Variants in IDE observed in about 807,000 individuals in gnomAD.
IDE encodes the protein insulin-degrading enzyme.
IDE carries 58 observed loss-of-function variants against 133.2 expected under a neutral mutation model. That is an observed-to-expected ratio of 0.44 (90% CI 0.35 to 0.54). The LOEUF (loss-of-function observed/expected upper bound fraction) is 0.54, where lower values mean the gene tolerates loss of function less well. Among genes scored for constraint, IDE ranks in the 20% least tolerant of loss-of-function variants. The probability of loss-of-function intolerance (pLI) is 0.00; values close to 1 mark genes in which losing one functional copy is unlikely to be tolerated. For missense variants in IDE, 981 were observed against 1,234.0 expected, an observed-to-expected ratio of 0.79 and a Z score of 3.07; for synonymous variants, 396 against 421.3, an observed-to-expected ratio of 0.94 and a Z score of 0.73.
At chr10:92,535,013 T>G (rs769376295) in intron 2 of IDE, among the ~76,000 whole-genome samples, 1 of 152,188 alleles carries the variant, frequency 6.6e-6, no homozygotes, top group Non-Finnish European at 1.5e-5. Context: ...GGCAGGTTAC[T>G]TAGTGTCTCT....
intron 9 of IDE, among the ~76,000 whole-genome samples, chr10:92,507,057 T>C (rs1255992851): frequency 1.3e-5 from 2 of 152,048 alleles, no homozygotes; most frequent in African/African-American, 4.8e-5. Flanking sequence ...TTAAAAACCC[T>C]TTTTTAAAAG....
At chr10:92,514,377 C>CTT (rs200269286) in intron 5 of IDE, among the ~76,000 whole-genome samples, 134 of 146,150 alleles carry the variant, frequency 9.2e-4, no homozygotes, top group Admixed American at 1.6e-3. Context: ...TCATCATCTG[C>CTT]TTTTTTTTTT....
chr10:92,486,066 G>A (rs761008804), intron 13 of IDE, among the ~76,000 whole-genome samples: 3 of 151,990 alleles, frequency 2.0e-5, no homozygotes, highest in South Asian at 2.1e-4. Context: ...AAAGAAAAAC[G>A]GGTCCGGCGT....
At chr10:92,475,797 T>C (rs1439345071) in intron 16 of IDE, 87 bp downstream of exon 16, 1 of 591,242 alleles carries the variant, frequency 1.7e-6, no homozygotes, top group Non-Finnish European at 2.9e-6. Flanking sequence ...TCCTTGCTTC[T>C]TTTATATTAT....
chr10:92,534,023 G>C (rs1160788531), intron 3 of IDE, among the ~76,000 whole-genome samples: 30 of 138,766 alleles, frequency 2.2e-4, no homozygotes, highest in Admixed American at 2.1e-3. Context: ...AACTCCGTCT[G>C]AAAAAAAAAA....
At chr10:92,553,549 A>G (rs1351152583) in intron 1 of IDE, among the ~76,000 whole-genome samples, 1 of 152,184 alleles carries the variant, frequency 6.6e-6, no homozygotes, top group South Asian at 2.1e-4. Flanking sequence ...ACATTACAAG[A>G]AAAGAAAACT....
chr10:92,457,899 C>G (rs1845116558), intron 22 of IDE, among the ~76,000 whole-genome samples: 2 of 152,184 alleles, frequency 1.3e-5, no homozygotes, highest in Non-Finnish European at 2.9e-5. Context: ...TCTGACCTCT[C>G]CAGCCTCTTT....
At chr10:92,566,376 G>A (rs939968496) in intron 1 of IDE, among the ~76,000 whole-genome samples, 1 of 150,058 alleles carries the variant, frequency 6.7e-6, no homozygotes, top group Non-Finnish European at 1.5e-5. Context: ...AGGAGTGACA[G>A]AGTCAGACTC....
intron 4 of IDE, among the ~76,000 whole-genome samples, chr10:92,520,561 C>G (rs1478644653): frequency 6.6e-6 from 1 of 152,128 alleles, no homozygotes; most frequent in Non-Finnish European, 1.5e-5. Context: ...GCTAACATAC[C>G]TATAGCTAGT....
intron 12 of IDE, among the ~76,000 whole-genome samples, chr10:92,489,154 T>C (rs1797488376): frequency 6.6e-6 from 1 of 152,174 alleles, no homozygotes. Context: ...ACGTTGGCCA[T>C]ATTTCTTAAG....
chr10:92,467,346 T>G (rs900781399), intron 19 of IDE, among the ~76,000 whole-genome samples: 4 of 152,340 alleles, frequency 2.6e-5, no homozygotes, highest in South Asian at 4.1e-4. Context: ...GTGCTGGGAT[T>G]ATAGGAATGA....
chr10:92,542,725 G>A (rs1842367435), intron 1 of IDE, among the ~76,000 whole-genome samples: 2 of 152,208 alleles, frequency 1.3e-5, no homozygotes, highest in African/African-American at 4.8e-5. Flanking sequence ...GGGAATTCGT[G>A]AGCGAAGCCT....
chr10:92,470,384 G>A (rs754959126), intron 17 of IDE, 39 bp from the exon 18 acceptor site: 2 of 1,361,096 alleles, frequency 1.5e-6, no homozygotes, highest in Non-Finnish European at 2.0e-6. Flanking sequence ...CGCTACCTAT[G>A]AGGGATTTTT....
chr10:92,462,328 A>AG (rs1408626209), intron 21 of IDE, among the ~76,000 whole-genome samples: 1 of 150,732 alleles, frequency 6.6e-6, no homozygotes, highest in African/African-American at 2.4e-5. Context: ...AAAAAAAAAA[A>AG]AAAAAAAAAA....
chr10:92,474,984 A>G, intron 16 of IDE, 23 bp from the exon 17 acceptor site: 1 of 1,570,220 alleles, frequency 6.4e-7, no homozygotes, highest in Non-Finnish European at 8.6e-7. Context: ...ACATGCGTTC[A>G]TTAATTTTAT....
chr10:92,533,361 GAA>G (rs1850047029), intron 3 of IDE, among the ~76,000 whole-genome samples: 1 of 152,078 alleles, frequency 6.6e-6, no homozygotes, highest in South Asian at 2.1e-4. Context: ...CCTAAAGACT[GAA>G]ACATAAAATA....
chr10:92,459,775 A>G (rs1845261383), intron 22 of IDE, among the ~76,000 whole-genome samples: 1 of 149,792 alleles, frequency 6.7e-6, no homozygotes, highest in South Asian at 2.1e-4. Context: ...AAATTTTGCT[A>G]TCCTTCTTAG....
At position 92,483,466 on chromosome 10, in the gene IDE, T is replaced by C. The variant is rs7917817; in HGVS notation, c.1657-129A>G. On this transcript the variant is annotated intron_variant, in intron 13 of 24. Transcript: ENST00000265986. ...GTTTTGTTCTGGAGTTGCTGTCCCA[T>C]GGGCCTTGAAGCATACTCAAGAGTC... 7,708 of 627,394 alleles carry C rather than the reference T, an allele frequency of 0.012. 484 individuals carry two copies. In the African/African-American group the frequency reaches 0.12, roughly 10 times the overall value. 38.9% of individuals were successfully genotyped at this position (627,394 alleles called of 1,614,324 possible).
At chr10:92,463,152 G>A (rs950067456) in intron 21 of IDE, among the ~76,000 whole-genome samples, 2 of 152,228 alleles carry the variant, frequency 1.3e-5, no homozygotes, top group Admixed American at 1.3e-4. Flanking sequence ...TGGTGTCAGA[G>A]TAAGAACACA....
Sources: gnomAD v4.1 joint callset for allele counts (sites outside exome capture counted in the v4.1 genomes callset) on GRCh38, gnomAD v4.1.1 for gene constraint, MANE v1.5 for transcripts, NCBI Gene and HGNC (gene_info 2026-07-23, HGNC 2026-07-21) for gene names.